FER1L6: variants seen among roughly 807,000 people sequenced by gnomAD.
FER1L6 encodes fer-1 like family member 6.
In FER1L6, 177 loss-of-function variants were observed where a neutral mutation model predicts 219.2. The ratio of observed to expected loss-of-function variants is 0.81; its 90% CI spans 0.71 to 0.91. FER1L6 has a LOEUF of 0.91. Among genes scored for constraint, FER1L6 ranks in the 40% least tolerant of loss-of-function variants. The probability of loss-of-function intolerance (pLI) is 0.00; values close to 1 mark genes in which losing one functional copy is unlikely to be tolerated. For synonymous variants in FER1L6, 768 were observed against 824.3 expected (o/e 0.93, Z 1.17); for missense variants, 2,153 against 2,259.9 (o/e 0.95, Z 0.96).
At chr8:124,098,846 C>T (rs1822422487) in intron 37 of FER1L6, among the ~76,000 whole-genome samples, 2 of 152,198 alleles carry the variant, frequency 1.3e-5, no homozygotes, top group South Asian at 4.1e-4. Context: ...CCCTCCCACT[C>T]GCTTCTCAGT....
intron 39 of FER1L6, among the ~76,000 whole-genome samples, chr8:124,107,570 G>A (rs567099812): frequency 1.3e-5 from 2 of 152,262 alleles, no homozygotes; most frequent in Admixed American, 6.5e-5. Flanking sequence ...CCAGAGTAGT[G>A]GCAATTTCCA....
intron 1 of FER1L6, among the ~76,000 whole-genome samples, chr8:123,854,837 T>C (rs1313263876): frequency 6.6e-6 from 1 of 152,208 alleles, no homozygotes; most frequent in East Asian, 1.9e-4. Context: ...TTCCTGGCAC[T>C]GCGTTTATTC....
chr8:123,853,120 G>T lies in FER1L6; in HGVS notation c.-8+935G>T, dbSNP rs116284604. On this transcript the variant is annotated intron_variant, in intron 1 of 40. Transcript: ENST00000522917. The surrounding 1 kb of genome is among the most constrained non-coding windows in gnomAD (Gnocchi z 6.6). Reference sequence around the variant, plus strand: ...CAGCCTTCCAAAGTGCTCGGATTACGTGCGTGAGCCACTGTGCCCACCCTC... The same window carrying T: ...CAGCCTTCCAAAGTGCTCGGATTACTTGCGTGAGCCACTGTGCCCACCCTC... Among the ~76,000 whole-genome samples, 1 of 151,842 alleles carries T rather than the reference G, an allele frequency of 6.6e-6. No homozygotes were observed. The highest frequency in any genetic ancestry group is 2.4e-5 in the African/African-American group (1 of 41,374).
At chr8:123,974,627 C>CAAGCA in intron 7 of FER1L6, among the ~76,000 whole-genome samples, 1 of 123,024 alleles carries the variant, frequency 8.1e-6, no homozygotes, top group Non-Finnish European at 1.7e-5. Context: ...TACCATTGCT[C>CAAGCA]TCCAGCCAGG....
At chr8:124,010,180 G>C (rs767034603) in intron 13 of FER1L6, among the ~76,000 whole-genome samples, 1 of 148,104 alleles carries the variant, frequency 6.8e-6, no homozygotes, top group Admixed American at 6.7e-5. Flanking sequence ...TAGTTCAAGG[G>C]TTCGGAAGCT....
chr8:123,974,780 G>A (rs1413753603), intron 7 of FER1L6, among the ~76,000 whole-genome samples: 1 of 151,886 alleles, frequency 6.6e-6, no homozygotes, highest in African/African-American at 2.4e-5. Flanking sequence ...CTCACAGTGA[G>A]GCCAAACAAA....
chr8:124,039,822 T>A (rs1386451543), intron 19 of FER1L6, 60 bp from the exon 20 acceptor site: 1 of 1,608,874 alleles, frequency 6.2e-7, no homozygotes, highest in African/African-American at 1.3e-5. Flanking sequence ...GACACACATG[T>A]GCACACACTG....
At chr8:123,953,735 A>G (rs1440520032) in intron 1 of FER1L6, among the ~76,000 whole-genome samples, 1 of 152,206 alleles carries the variant, frequency 6.6e-6, no homozygotes, top group Non-Finnish European at 1.5e-5. Flanking sequence ...AGTTGCTTCA[A>G]GCAGCCTCCA....
At position 124,082,282 on chromosome 8, in the gene FER1L6, C is replaced by A. The variant is rs762794163; in HGVS notation, c.4221-6C>A. 4.3e-6 allele frequency: 7 copies of A among 1,610,072 alleles called. No individual in the cohort carries two copies. In the East Asian group the frequency reaches 1.3e-4, roughly 31 times the overall value. On this transcript the variant is annotated splice_polypyrimidine_tract_variant and splice_region_variant and intron_variant, in intron 32 of 40. Coordinates refer to ENST00000522917, the MANE Select transcript of FER1L6 (RefSeq NM_001039112.2). ...CTGACTCTTGAAGTCTCTGCTTGGA[C>A]CGCAGGTCATTTGAGATCCAAGCCA...
intron 1 of FER1L6, among the ~76,000 whole-genome samples, chr8:123,906,766 C>T (rs1812960453): frequency 6.6e-6 from 1 of 150,730 alleles, no homozygotes; most frequent in South Asian, 2.1e-4. Context: ...CGCCACTGCA[C>T]TCTAGCCTGC....
intron 15 of FER1L6, among the ~76,000 whole-genome samples, chr8:124,015,296 G>T (rs1254092501): frequency 6.6e-6 from 1 of 152,052 alleles, no homozygotes; most frequent in Non-Finnish European, 1.5e-5. Flanking sequence ...ACTCACTGGA[G>T]CCATCTTAGA....
At chr8:123,968,158 C>T (rs78455608) in intron 5 of FER1L6, among the ~76,000 whole-genome samples, 4,740 of 152,096 alleles carry the variant, frequency 0.031, 173 homozygotes, top group East Asian at 0.094. Context: ...CACGCTCTAC[C>T]CCCAGAAGAG....
chr8:124,093,774 CCTTTA>C (rs1391033091), intron 34 of FER1L6, among the ~76,000 whole-genome samples: 1 of 150,520 alleles, frequency 6.6e-6, no homozygotes, highest in East Asian at 1.9e-4. Flanking sequence ...TTTTGTGGCC[CCTTTA>C]TTTTTATTAC....
chr8:124,097,350 G>T lies in FER1L6; in HGVS notation c.4775G>T (p.Arg1592Leu). Residue 1592 changes from arginine to leucine, a missense_variant, in exon 36 of 41, where the codon CGA becomes CTA. Physicochemically the swap from Arg to Leu is moderately radical, Grantham distance 102. Coordinates refer to ENST00000522917, the MANE Select transcript of FER1L6 (RefSeq NM_001039112.2). The part of the protein sequence containing the change: ...PGPPVDISPR[R>L]PKGYELRVTI... ...CCTCCTGTTGACATCTCTCCAAGGC[G>T]ACCCAAAGGGTATGTCAGCTGTAGC... 1 of 1,610,796 alleles carries T rather than the reference G, an allele frequency of 6.2e-7. No individual in the cohort carries two copies. The highest frequency in any genetic ancestry group is 8.5e-7 in the Non-Finnish European group (1 of 1,177,640).
At chr8:124,102,431 TAGAG>T (rs1250741882) in intron 38 of FER1L6, among the ~76,000 whole-genome samples, 1 of 152,208 alleles carries the variant, frequency 6.6e-6, no homozygotes, top group Non-Finnish European at 1.5e-5. Flanking sequence ...GGGATAGTCA[TAGAG>T]AGAGGGCTAA....
At chr8:124,064,051 A>T (rs1820713586) in intron 25 of FER1L6, among the ~76,000 whole-genome samples, 1 of 152,106 alleles carries the variant, frequency 6.6e-6, no homozygotes. Context: ...CTAAACCTTG[A>T]TTTTCATAAT....
chr8:124,048,287 G>T (rs1264371298), intron 21 of FER1L6, among the ~76,000 whole-genome samples: 1 of 152,230 alleles, frequency 6.6e-6, no homozygotes, highest in African/African-American at 2.4e-5. Context: ...CACTGACCTT[G>T]GATGGCAGAG....
intron 33 of FER1L6, 51 bp from the exon 34 acceptor site, chr8:124,091,372 G>C (rs776947013): frequency 6.0e-5 from 88 of 1,478,324 alleles, no homozygotes; most frequent in Non-Finnish European, 3.3e-5. Flanking sequence ...GATCATACTG[G>C]GTGGTTCTTT....
At chr8:123,936,773 A>G (rs1814023748) in intron 1 of FER1L6, among the ~76,000 whole-genome samples, 1 of 152,178 alleles carries the variant, frequency 6.6e-6, no homozygotes, top group Admixed American at 6.5e-5. Context: ...CGAGGGAGCC[A>G]CTGACAATTG....
Sources: gnomAD v4.1 joint callset for allele counts (sites outside exome capture counted in the v4.1 genomes callset) on GRCh38, gnomAD v4.1.1 for gene constraint, Gnocchi (gnomAD v3.1) non-coding constraint, MANE v1.5 for transcripts, NCBI Gene and HGNC (gene_info 2026-07-23, HGNC 2026-07-21) for gene names.